Variants in PARD3B observed in about 807,000 individuals in gnomAD.
The protein encoded by PARD3B is partitioning defective 3 homolog B.
In PARD3B, 103 loss-of-function variants were observed where a neutral mutation model predicts 130.2. That is an observed-to-expected ratio of 0.79 (90% confidence interval 0.67 to 0.93). The LOEUF is 0.93. PARD3B is among the 40% of genes least tolerant of loss of function. PARD3B has a pLI of 0.00. For missense variants in PARD3B, 1,609 were observed against 1,499.2 expected (o/e 1.07, Z -1.21); for synonymous variants, 583 against 553.2 (o/e 1.05, Z -0.76).
At chr2:204,871,151 C>T (rs1368702341) in intron 2 of PARD3B, among the ~76,000 whole-genome samples, 1 of 152,004 alleles carries the variant, frequency 6.6e-6, no homozygotes, top group African/African-American at 2.4e-5. Flanking sequence ...AGTTATTTTC[C>T]TAGCTGTATT....
intron 1 of PARD3B, among the ~76,000 whole-genome samples, chr2:204,651,093 G>A (rs948453688): frequency 1.3e-5 from 2 of 152,092 alleles, no homozygotes; most frequent in Non-Finnish European, 2.9e-5. Flanking sequence ...ATATTATTCT[G>A]CCGCTGACCC....
chr2:205,145,920 A>C (rs2033323798), intron 10 of PARD3B, among the ~76,000 whole-genome samples: 1 of 151,784 alleles, frequency 6.6e-6, no homozygotes. Flanking sequence ...TGTATATTAG[A>C]CATTGGATTG....
Position 204,682,457 on chromosome 2 carries a change from A to C in PARD3B, c.121-3724A>C, listed in dbSNP as rs181036389. On this transcript the variant is annotated intron_variant, in intron 1 of 22. Transcript: ENST00000406610. The stretch of plus-strand genomic sequence containing the variant: ...TACCTATAGTACCTGACCTATAGGT[A>C]AAATCTCATTTTGTGGATATGTGCC... 3.0e-3 allele frequency among the ~76,000 whole-genome samples: 450 copies of C among 152,312 alleles called. 1 individual carries two copies. The highest frequency in any genetic ancestry group is 9.6e-3 in the African/African-American group (398 of 41,568).
chr2:204,927,204 G>T (rs1009980395), intron 2 of PARD3B, among the ~76,000 whole-genome samples: 4 of 152,036 alleles, frequency 2.6e-5, no homozygotes, highest in Non-Finnish European at 5.9e-5. Context: ...TCTGCCCTCC[G>T]CATTGCCAAA....
chr2:205,119,163 G>T, intron 7 of PARD3B, 117 bp downstream of exon 7: 1 of 1,306,090 alleles, frequency 7.7e-7, no homozygotes, highest in Non-Finnish European at 1.0e-6. Flanking sequence ...CCCTTTGAAC[G>T]ATCCAGGATA....
At chr2:205,586,256 T>G (rs984429007) in intron 22 of PARD3B, among the ~76,000 whole-genome samples, 71 of 152,318 alleles carry the variant, frequency 4.7e-4, no homozygotes, top group African/African-American at 1.6e-3. Context: ...AGGCTGAATA[T>G]GAGGAAGACA....
intron 2 of PARD3B, among the ~76,000 whole-genome samples, chr2:204,781,654 T>C (rs532895849): frequency 6.6e-6 from 1 of 152,260 alleles, no homozygotes; most frequent in African/African-American, 2.4e-5. Flanking sequence ...ATAATTTGTT[T>C]TTGATAGAAA....
chr2:205,231,381 C>A (rs1189861974), intron 15 of PARD3B, among the ~76,000 whole-genome samples: 1 of 150,512 alleles, frequency 6.6e-6, no homozygotes, highest in African/African-American at 2.5e-5. Flanking sequence ...GTCTGGAGTA[C>A]AGTGGTGCAA....
chr2:204,799,982 A>G lies in PARD3B; in HGVS notation c.222+113700A>G, dbSNP rs1325427040. On this transcript the variant is annotated intron_variant, in intron 2 of 22. Coordinates refer to ENST00000406610, the MANE Select transcript of PARD3B (RefSeq NM_001302769.2). The surrounding 1 kb of genome is among the most constrained non-coding windows in gnomAD (Gnocchi z 4.1). Reference sequence around the variant, plus strand: ...CTACAATGCCCTGACACTGATGAACATCCACAAGCATCAAGGCCATCTACA... The same window carrying G: ...CTACAATGCCCTGACACTGATGAACGTCCACAAGCATCAAGGCCATCTACA... 6.6e-6 allele frequency among the ~76,000 whole-genome samples: 1 copy of G among 152,208 alleles called. No homozygotes were observed. The highest frequency in any genetic ancestry group is 2.4e-5 in the African/African-American group (1 of 41,458).
intron 18 of PARD3B, among the ~76,000 whole-genome samples, chr2:205,354,187 T>C (rs2105855165): frequency 6.6e-6 from 1 of 151,818 alleles, no homozygotes; most frequent in African/African-American, 2.4e-5. Context: ...CACAGGCACA[T>C]GCCACCATGC....
chr2:205,420,985 A>G (rs1052234637), intron 19 of PARD3B, among the ~76,000 whole-genome samples: 1 of 152,178 alleles, frequency 6.6e-6, no homozygotes, highest in African/African-American at 2.4e-5. Flanking sequence ...TACTAAAAAT[A>G]CAAAAATTAG....
At chr2:204,704,868 C>G (rs142847103) in intron 2 of PARD3B, among the ~76,000 whole-genome samples, 1 of 150,946 alleles carries the variant, frequency 6.6e-6, no homozygotes, top group Non-Finnish European at 1.5e-5. Flanking sequence ...TTCCAACTGT[C>G]AAAACATTAT....
At chr2:205,290,106 T>C (rs1036763047) in intron 16 of PARD3B, among the ~76,000 whole-genome samples, 7 of 152,196 alleles carry the variant, frequency 4.6e-5, no homozygotes, top group African/African-American at 1.7e-4. Context: ...TGCAATTAAT[T>C]AGCTGAGTAA....
chr2:204,780,888 A>T (rs1291380669), intron 2 of PARD3B, among the ~76,000 whole-genome samples: 1 of 152,154 alleles, frequency 6.6e-6, no homozygotes, highest in Non-Finnish European at 1.5e-5. Flanking sequence ...AAGAAAAAAA[A>T]AAAGATATGT....
intron 2 of PARD3B, among the ~76,000 whole-genome samples, chr2:204,761,850 TA>T (rs777482704): frequency 2.0e-5 from 3 of 152,080 alleles, no homozygotes; most frequent in Non-Finnish European, 4.4e-5. Context: ...TTTTATATTT[TA>T]AAACACAAAT....
intron 2 of PARD3B, among the ~76,000 whole-genome samples, chr2:204,873,114 G>C (rs2045692683): frequency 6.6e-6 from 1 of 152,166 alleles, no homozygotes; most frequent in Non-Finnish European, 1.5e-5. Context: ...CAGATACATA[G>C]ATAGAGGTGT....
intron 1 of PARD3B, among the ~76,000 whole-genome samples, chr2:204,584,385 T>C (rs2032727266): frequency 6.6e-6 from 1 of 152,152 alleles, no homozygotes; most frequent in African/African-American, 2.4e-5. Flanking sequence ...AAGAGTATAA[T>C]TGAAGATAGC....
chr2:204,907,215 T>C lies in PARD3B; in HGVS notation c.223-57937T>C, dbSNP rs12694011. On this transcript the variant is annotated intron_variant, in intron 2 of 22. Transcript: ENST00000406610. The surrounding 1 kb of genome is among the most constrained non-coding windows in gnomAD (Gnocchi z 5.7). ...CAGGATGGTCTTGATCTTCTGACCT[T>C]GTTATCCACCCACCTCGGCCTCCCA... is the stretch of plus-strand genomic sequence containing the variant. Among the ~76,000 whole-genome samples the C allele has an allele frequency of 0.36, 54,444 of 151,844 alleles. 10,307 individuals are homozygous for C. The highest frequency in any genetic ancestry group is 0.44 in the African/African-American group (18,327 of 41,370).
rs1310242112 is a variant in PARD3B at position 205,158,504 on chromosome 2, G to A, written c.1435-218G>A. On this transcript the variant is annotated intron_variant, in intron 10 of 22. Transcript: ENST00000406610. This position sits in a 1 kb window ranked among gnomAD's most constrained non-coding sequence, Gnocchi z 5.4. ...ACGATCCTCTCTATTGACCATTACC[G>A]AATAGTATTCCCTGAAACCTCTTCC... is the stretch of plus-strand genomic sequence containing the variant. 5.9e-5 allele frequency among the ~76,000 whole-genome samples: 9 copies of A among 152,166 alleles called. No homozygotes were observed. Among genetic ancestry groups the A allele is most frequent in the Non-Finnish European group, 1.0e-4 (7 of 68,014 alleles).
Sources: allele counts gnomAD v4.1 joint callset (sites outside exome capture counted in the v4.1 genomes callset), GRCh38; gene constraint gnomAD v4.1.1; non-coding constraint Gnocchi (gnomAD v3.1); transcripts MANE v1.5; gene names NCBI Gene and HGNC (gene_info 2026-07-23, HGNC 2026-07-21).